Variants in INPP4B observed in about 807,000 individuals in gnomAD.
INPP4B encodes inositol polyphosphate-4-phosphatase type II B, also known as inositol polyphosphate 4-phosphatase type II.
In INPP4B, 55 loss-of-function variants were observed where a neutral mutation model predicts 122.5. The observed-to-expected ratio is 0.45, with a 90% CI of 0.36 to 0.56. The LOEUF (loss-of-function observed/expected upper bound fraction) is 0.56, where lower values mean the gene tolerates loss of function less well. Among genes scored for constraint, INPP4B ranks in the 20% least tolerant of loss-of-function variants. INPP4B has a pLI of 0.00. For synonymous variants in INPP4B, 403 were observed against 388.7 expected (o/e 1.04, Z -0.43); for missense variants, 1,000 against 1,097.7 (o/e 0.91, Z 1.26).
In INPP4B at chr4:142,145,874, A is replaced by G; in HGVS notation, c.1686T>C (p.Pro562=). ...SGGNNDGEKE[P]SLTDAIPSHP... is the part of the protein sequence containing the mutation. Reference sequence around the variant, plus strand: ...GAGAGGGAATGGCATCTGTTAATGAAGGTTCCTTTTCTCCATCATTGTTGC... The same window carrying G: ...GAGAGGGAATGGCATCTGTTAATGAGGGTTCCTTTTCTCCATCATTGTTGC... Residue 562 remains proline (P), a synonymous_variant, in exon 18 of 26, where the codon CCT becomes CCC. Transcript: ENST00000262992. 5.0e-6 allele frequency: 8 copies of G among 1,613,772 alleles called. No homozygotes were observed. The highest frequency in any genetic ancestry group is 5.9e-6 in the Non-Finnish European group (7 of 1,179,766).
chr4:142,551,734 G>A (rs1028482029), intron 2 of INPP4B, among the ~76,000 whole-genome samples: 11 of 152,122 alleles, frequency 7.2e-5, no homozygotes, highest in Non-Finnish European at 1.0e-4. Context: ...CCAACTCAGT[G>A]GAAGCAGAAG....
intron 2 of INPP4B, among the ~76,000 whole-genome samples, chr4:142,616,011 T>A (rs944974232): frequency 6.6e-6 from 1 of 152,128 alleles, no homozygotes; most frequent in African/African-American, 2.4e-5. Flanking sequence ...TTAAATAATC[T>A]CTTTATATGG....
intron 12 of INPP4B, among the ~76,000 whole-genome samples, chr4:142,217,583 T>C (rs1847830158): frequency 6.6e-6 from 1 of 152,174 alleles, no homozygotes. Flanking sequence ...AAGTCTTCCT[T>C]AGGGATAAAG....
At position 142,838,364 on chromosome 4, in the gene INPP4B, GA is replaced by G. The variant is rs779595214; in HGVS notation, c.-254+7844del. Among the ~76,000 whole-genome samples the G allele has an allele frequency of 3.4e-3, 491 of 146,064 alleles. 3 individuals carry two copies. Among genetic ancestry groups the G allele is most frequent in the African/African-American group, 0.011 (452 of 39,922 alleles). The stretch of plus-strand genomic sequence containing the variant: ...TTATAATCAGAAAAATAGAGAGTAG[GA>G]AAAAAAAAGAAAGAAATCCTAGAAA... On this transcript the variant is annotated intron_variant, in intron 1 of 25. Transcript: ENST00000262992.
At chr4:142,111,712 G>A (rs1284029288) in intron 22 of INPP4B, among the ~76,000 whole-genome samples, 2 of 151,588 alleles carry the variant, frequency 1.3e-5, no homozygotes, top group African/African-American at 4.9e-5. Context: ...CATGTAAGAT[G>A]TAAAAATAAG....
At chr4:142,430,162 A>C (rs1808985796) in intron 4 of INPP4B, among the ~76,000 whole-genome samples, 1 of 152,110 alleles carries the variant, frequency 6.6e-6, no homozygotes, top group African/African-American at 2.4e-5. Flanking sequence ...TTTGTATAAA[A>C]ATTAACTGCT....
chr4:142,261,797 TTC>T (rs1305380038), intron 10 of INPP4B, among the ~76,000 whole-genome samples: 1 of 152,238 alleles, frequency 6.6e-6, no homozygotes, highest in East Asian at 1.9e-4. Flanking sequence ...AAATGTTACT[TTC>T]TGTTTTCTTA....
chr4:142,639,772 C>G (rs1749979122), intron 2 of INPP4B, among the ~76,000 whole-genome samples: 1 of 151,954 alleles, frequency 6.6e-6, no homozygotes, highest in African/African-American at 2.4e-5. Flanking sequence ...CTGCTTGTTG[C>G]CTTTGAATGA....
chr4:142,279,535 A>C (rs1019762631), intron 9 of INPP4B, among the ~76,000 whole-genome samples: 22 of 139,826 alleles, frequency 1.6e-4, no homozygotes, highest in African/African-American at 5.5e-4. Flanking sequence ...ACAATTAAAC[A>C]TCCATTTGGA....
intron 1 of INPP4B, among the ~76,000 whole-genome samples, chr4:142,825,349 A>C (rs1043502269): frequency 2.0e-5 from 3 of 152,152 alleles, no homozygotes; most frequent in Non-Finnish European, 4.4e-5. Context: ...TGTTTTCACT[A>C]AATGTATTAC....
At chr4:142,332,743 G>A (rs568738355) in intron 7 of INPP4B, among the ~76,000 whole-genome samples, 89 of 151,608 alleles carry the variant, frequency 5.9e-4, no homozygotes, top group Middle Eastern at 6.8e-3. Context: ...AGTGGCTCAC[G>A]CCTGTAATCC....
chr4:142,579,412 T>G lies in INPP4B; in HGVS notation c.-190-116686A>C, dbSNP rs190129751. 5.9e-3 allele frequency among the ~76,000 whole-genome samples: 894 copies of G among 152,074 alleles called. 8 individuals carry two copies. Among genetic ancestry groups the G allele is most frequent in the African/African-American group, 0.02 (819 of 41,516 alleles). ...TCCGAATCAAACTATGATAGTTAAT[T>G]TTATGTGTCAACTTGACTAAGCCAT... On this transcript the variant is annotated intron_variant, in intron 2 of 25. Coordinates refer to ENST00000262992, the MANE Select transcript of INPP4B (RefSeq NM_001101669.3).
chr4:142,208,843 C>A (rs1319296643), intron 13 of INPP4B, 53 bp downstream of exon 13: 24 of 1,309,944 alleles, frequency 1.8e-5, no homozygotes, highest in Admixed American at 7.6e-5. Flanking sequence ...TTTTTCATTT[C>A]ACATGCAGGA....
rs1729583667 is a variant in INPP4B at position 142,247,639 on chromosome 4, C to A, written c.689-9628G>T. Among the ~76,000 whole-genome samples, 5 of 152,080 alleles carry A rather than the reference C, an allele frequency of 3.3e-5. No individual in the cohort carries two copies. The South Asian group carries it at 1.0e-3, about 32-fold the overall frequency. On this transcript the variant is annotated intron_variant, in intron 11 of 25. Coordinates refer to ENST00000262992, the MANE Select transcript of INPP4B (RefSeq NM_001101669.3). ...ATTTCTGTGGGGTCAGTGGTGATCT[C>A]CCCTTTATCATTTTTATTGTGCCTA... is the stretch of plus-strand genomic sequence containing the variant.
chr4:142,729,679 C>G (rs1423958299), intron 1 of INPP4B, among the ~76,000 whole-genome samples: 1 of 152,150 alleles, frequency 6.6e-6, no homozygotes, highest in Non-Finnish European at 1.5e-5. Flanking sequence ...TCACTGGAGA[C>G]CTTTCACCTG....
chr4:142,803,677 G>T (rs1290016303), intron 1 of INPP4B, among the ~76,000 whole-genome samples: 1 of 141,746 alleles, frequency 7.1e-6, no homozygotes, highest in Non-Finnish European at 1.6e-5. Flanking sequence ...ACAAAGAAAA[G>T]AAACCTCTCA....
At chr4:142,271,047 T>C in intron 9 of INPP4B, among the ~76,000 whole-genome samples, 1 of 151,804 alleles carries the variant, frequency 6.6e-6, no homozygotes, top group Admixed American at 6.6e-5. Flanking sequence ...CACCACAACC[T>C]CCACCTCCCA....
At chr4:142,383,964 T>C in intron 7 of INPP4B, 1 of 634,296 alleles carries the variant, frequency 1.6e-6, no homozygotes, top group Non-Finnish European at 2.9e-6. Context: ...TAAGTTACCA[T>C]CGTGCAGCTG....
intron 5 of INPP4B, among the ~76,000 whole-genome samples, chr4:142,409,642 A>T (rs1011321950): frequency 1.3e-5 from 2 of 152,224 alleles, no homozygotes; most frequent in African/African-American, 4.8e-5. Context: ...ACACTATGTC[A>T]TAAGATGGAA....
Sources: gnomAD v4.1 joint callset for allele counts (sites outside exome capture counted in the v4.1 genomes callset) on GRCh38, gnomAD v4.1.1 for gene constraint, MANE v1.5 for transcripts, NCBI Gene and HGNC (gene_info 2026-07-23, HGNC 2026-07-21) for gene names.